GAB2: variants seen among roughly 807,000 people sequenced by gnomAD.
GAB2 encodes GRB2-associated-binding protein 2.
A neutral mutation model predicts 65.5 loss-of-function variants in GAB2; 26 were observed. The ratio of observed to expected loss-of-function variants is 0.40; its 90% CI spans 0.29 to 0.55. GAB2 has a LOEUF of 0.55. Among genes scored for constraint, GAB2 ranks in the 20% least tolerant of loss-of-function variants. The probability of loss-of-function intolerance (pLI) is 0.53; values close to 1 mark genes in which losing one functional copy is unlikely to be tolerated. For synonymous variants in GAB2, 321 were observed against 329.6 expected, an observed-to-expected ratio of 0.97 and a Z score of 0.28; for missense variants, 884 against 875.8, an observed-to-expected ratio of 1.01 and a Z score of -0.12.
chr11:78,282,289 A>C (rs1279692869), intron 1 of GAB2, among the ~76,000 whole-genome samples: 1 of 151,532 alleles, frequency 6.6e-6, no homozygotes, highest in Non-Finnish European at 1.5e-5. Flanking sequence ...TCTATGCTTT[A>C]CCATTGACTG....
intron 3 of GAB2, among the ~76,000 whole-genome samples, chr11:78,236,098 A>G (rs1015819523): frequency 6.6e-6 from 1 of 152,214 alleles, no homozygotes; most frequent in African/African-American, 2.4e-5. Flanking sequence ...CACTCTCCAT[A>G]TTTAGGTCTT....
At chr11:78,373,849 C>T (rs1285755379) in intron 1 of GAB2, among the ~76,000 whole-genome samples, 1 of 152,190 alleles carries the variant, frequency 6.6e-6, no homozygotes, top group Non-Finnish European at 1.5e-5. Flanking sequence ...GGGACAGAAT[C>T]TGACTTAATA....
At chr11:78,378,958 T>C (rs1856665599) in intron 1 of GAB2, among the ~76,000 whole-genome samples, 1 of 152,158 alleles carries the variant, frequency 6.6e-6, no homozygotes, top group South Asian at 2.1e-4. Context: ...AACCTGAAGC[T>C]TAGGATAGAT....
intron 1 of GAB2, among the ~76,000 whole-genome samples, chr11:78,315,042 C>T (rs1269652324): frequency 6.6e-6 from 1 of 152,116 alleles, no homozygotes; most frequent in African/African-American, 2.4e-5. Context: ...AGGCTGGACA[C>T]AGACTGTAGA....
chr11:78,283,925 C>T (rs1465185449), intron 1 of GAB2, among the ~76,000 whole-genome samples: 1 of 151,068 alleles, frequency 6.6e-6, no homozygotes, highest in Admixed American at 6.6e-5. Context: ...TCATTTTATT[C>T]AGTTTCACAG....
At chr11:78,270,467 G>T (rs553250618) in intron 2 of GAB2, among the ~76,000 whole-genome samples, 8 of 152,292 alleles carry the variant, frequency 5.3e-5, no homozygotes, top group African/African-American at 1.9e-4. Context: ...GTTGGGAAAA[G>T]TGAGGAGTCA....
chr11:78,301,689 T>C (rs1164850577), intron 1 of GAB2, among the ~76,000 whole-genome samples: 1 of 152,214 alleles, frequency 6.6e-6, no homozygotes, highest in African/African-American at 2.4e-5. Context: ...CCAACATCAA[T>C]TTTTAAAATG....
chr11:78,414,568 G>A (rs890951534), intron 1 of GAB2, among the ~76,000 whole-genome samples: 1 of 152,120 alleles, frequency 6.6e-6, no homozygotes, highest in African/African-American at 2.4e-5. Context: ...GTATGCATTT[G>A]CATGCACGCG....
rs1437001748 is a variant in GAB2, at chr11:78,223,346, C to T, written c.1567+66G>A. 15 of 1,350,268 alleles carry T rather than the reference C, an allele frequency of 1.1e-5. No individual in the cohort carries two copies. The South Asian group carries it at 2.4e-4, about 22-fold the overall frequency. The allele number at this position is 1,350,268 out of a possible 1,614,324, so 83.6% of individuals were successfully genotyped here. A position where few individuals can be genotyped will look rare whatever the true frequency, so the allele number is the denominator to read the frequency against. ...TCTCAAGTCCAGGATCCACATGACC[C>T]CTAAGCAAATGGAAAGAGTCCCTAG... On this transcript the variant is annotated intron_variant, in intron 6 of 9. Coordinates refer to ENST00000361507, the MANE Select transcript of GAB2 (RefSeq NM_080491.3).
At chr11:78,231,336 G>GGT (rs58651538) in intron 3 of GAB2, among the ~76,000 whole-genome samples, 8,070 of 145,790 alleles carry the variant, frequency 0.055, 264 homozygotes, top group South Asian at 0.094. Context: ...GCGCGTGTGT[G>GGT]GTGTGTGTGT....
intron 1 of GAB2, among the ~76,000 whole-genome samples, chr11:78,300,519 A>AAAAACAAG (rs1866969120): frequency 6.9e-6 from 1 of 144,412 alleles, no homozygotes; most frequent in Non-Finnish European, 1.5e-5. Context: ...AATTTTATAA[A>AAAAACAAG]AAAACAAAAA....
At chr11:78,410,621 C>T (rs999493012) in intron 1 of GAB2, among the ~76,000 whole-genome samples, 8 of 152,208 alleles carry the variant, frequency 5.3e-5, no homozygotes, top group African/African-American at 1.9e-4. Flanking sequence ...ATACAGGATA[C>T]TGTAACTCCA....
intron 1 of GAB2, among the ~76,000 whole-genome samples, chr11:78,367,575 C>T (rs1435458905): frequency 6.6e-6 from 1 of 152,170 alleles, no homozygotes; most frequent in Non-Finnish European, 1.5e-5. Flanking sequence ...TAAAACACTG[C>T]AGGCCAAGCA....
intron 1 of GAB2, among the ~76,000 whole-genome samples, chr11:78,300,997 G>C (rs930488616): frequency 1.3e-5 from 2 of 151,942 alleles, no homozygotes; most frequent in Non-Finnish European, 2.9e-5. Flanking sequence ...ACCCAGCCTC[G>C]CTGTGGTTTT....
At chr11:78,301,793 T>C (rs532588436) in intron 1 of GAB2, among the ~76,000 whole-genome samples, 2 of 152,328 alleles carry the variant, frequency 1.3e-5, no homozygotes, top group South Asian at 4.1e-4. Context: ...TTTCAAACTA[T>C]ACTATAAGGC....
chr11:78,407,633 C>G (rs1313019663), intron 1 of GAB2, among the ~76,000 whole-genome samples: 1 of 93,302 alleles, frequency 1.1e-5, no homozygotes, highest in East Asian at 5.9e-4. Context: ...AACTCCTTCT[C>G]AAAGAAAGAA....
intron 2 of GAB2, among the ~76,000 whole-genome samples, chr11:78,261,968 A>G (rs928492535): frequency 6.6e-6 from 1 of 152,230 alleles, no homozygotes; most frequent in Non-Finnish European, 1.5e-5. Context: ...AACCAACTTT[A>G]TAAGAGATAA....
intron 1 of GAB2, among the ~76,000 whole-genome samples, chr11:78,335,268 C>T (rs574250954): frequency 3.9e-5 from 6 of 152,302 alleles, no homozygotes; most frequent in East Asian, 1.9e-4. Context: ...TGTCCATTTT[C>T]GCTTTGGTTG....
chr11:78,343,418 A>C (rs2134694275), intron 1 of GAB2, among the ~76,000 whole-genome samples: 1 of 149,628 alleles, frequency 6.7e-6, no homozygotes, highest in Admixed American at 6.7e-5. Context: ...GGGAGGGAGG[A>C]GAGGGAGACA....
Sources: allele counts gnomAD v4.1 joint callset (sites outside exome capture counted in the v4.1 genomes callset), GRCh38; gene constraint gnomAD v4.1.1; transcripts MANE v1.5; gene names NCBI Gene and HGNC (gene_info 2026-07-23, HGNC 2026-07-21).